PPP1R42: variants seen among roughly 807,000 people sequenced by gnomAD.
The protein encoded by PPP1R42 is leucine rich repeat containing 67.
Under a neutral mutation model 31.0 loss-of-function variants are expected in PPP1R42, and 34 were observed. The observed-to-expected ratio is 1.10, with a 90% CI of 0.83 to 1.46. PPP1R42 has a LOEUF of 1.46. PPP1R42 is among the 40% of genes most tolerant of loss of function. The pLI, the probability that PPP1R42 is intolerant of heterozygous loss-of-function variation, is 0.00. For synonymous variants in PPP1R42, 103 were observed against 109.8 expected, an observed-to-expected ratio of 0.94 and a Z score of 0.39; for missense variants, 268 against 303.0, an observed-to-expected ratio of 0.88 and a Z score of 0.86.
At chr8:66,975,085 A>G (rs748012079) in intron 7 of PPP1R42, among the ~76,000 whole-genome samples, 16 of 152,122 alleles carry the variant, frequency 1.1e-4, no homozygotes, top group Admixed American at 9.8e-4. Flanking sequence ...GGTCTTACGG[A>G]TATTTTACAA....
At chr8:67,008,103 G>C (rs756259518) in intron 5 of PPP1R42, among the ~76,000 whole-genome samples, 1 of 151,890 alleles carries the variant, frequency 6.6e-6, no homozygotes, top group African/African-American at 2.4e-5. Flanking sequence ...AGCCAGGTTC[G>C]TCTCGATCTC....
chr8:66,968,807 AAAAC>A (rs1814457405), intron 7 of PPP1R42, among the ~76,000 whole-genome samples: 1 of 152,186 alleles, frequency 6.6e-6, no homozygotes, highest in Non-Finnish European at 1.5e-5. Context: ...TTGATATACT[AAAAC>A]AATATTTTGG....
intron 5 of PPP1R42, among the ~76,000 whole-genome samples, chr8:67,007,796 T>C (rs1483839270): frequency 1.3e-5 from 2 of 152,116 alleles, no homozygotes; most frequent in African/African-American, 4.8e-5. Context: ...ATATCTACTG[T>C]GTCACTATTA....
intron 7 of PPP1R42, among the ~76,000 whole-genome samples, chr8:66,973,366 C>T (rs1814588020): frequency 6.6e-6 from 1 of 151,560 alleles, no homozygotes; most frequent in Non-Finnish European, 1.5e-5. Flanking sequence ...TACAGTGGTG[C>T]CATCTCGGCT....
chr8:67,016,926 A>G (rs1816033574), intron 2 of PPP1R42, among the ~76,000 whole-genome samples: 1 of 152,176 alleles, frequency 6.6e-6, no homozygotes, highest in Non-Finnish European at 1.5e-5. Context: ...ACATTTTGGT[A>G]TATTTCAAAA....
chr8:67,023,235 C>T (rs1350881711), intron 1 of PPP1R42, among the ~76,000 whole-genome samples: 1 of 152,094 alleles, frequency 6.6e-6, no homozygotes, highest in East Asian at 1.9e-4. Flanking sequence ...CTCAGCCTTC[C>T]GAGAAGCTGG....
chr8:66,966,370 A>G (rs943346766), intron 7 of PPP1R42, among the ~76,000 whole-genome samples: 1 of 152,220 alleles, frequency 6.6e-6, no homozygotes, highest in Admixed American at 6.5e-5. Context: ...TTCAAGTCCT[A>G]GCCCTGCTCA....
At chr8:67,019,170 T>A (rs1346702655) in intron 1 of PPP1R42, among the ~76,000 whole-genome samples, 2 of 149,398 alleles carry the variant, frequency 1.3e-5, no homozygotes, top group African/African-American at 2.5e-5. Context: ...TGGGCTCAAG[T>A]GCTCCTCCTG....
At chr8:66,966,580 TC>T (rs199673321) in intron 7 of PPP1R42, among the ~76,000 whole-genome samples, 3,600 of 151,930 alleles carry the variant, frequency 0.024, 56 homozygotes, top group Admixed American at 0.045. Context: ...GATCAGGAGA[TC>T]AAGACCATCC....
chr8:66,971,347 TTAAAA>T lies in PPP1R42; in HGVS notation c.803-7018_803-7014del, dbSNP rs1288927915. Among the ~76,000 whole-genome samples, 6 of 152,330 alleles carry T rather than the reference TTAAAA, an allele frequency of 3.9e-5. No homozygotes were observed. The East Asian group carries it at 9.6e-4, about 24-fold the overall frequency. On this transcript the variant is annotated intron_variant, in intron 7 of 7. Coordinates refer to ENST00000685739, the MANE Select transcript of PPP1R42 (RefSeq NM_001364910.1). Reference sequence around the variant, plus strand: ...ATACAGGAAAGTTCATGATCAACTCTTAAAATAAAATGAGCATGCCAACATTAATA... The same window carrying T: ...ATACAGGAAAGTTCATGATCAACTCTTAAAATGAGCATGCCAACATTAATA...
chr8:66,966,987 T>A (rs1431023412), intron 7 of PPP1R42, among the ~76,000 whole-genome samples: 3 of 152,188 alleles, frequency 2.0e-5, no homozygotes, highest in Non-Finnish European at 4.4e-5. Context: ...AAAAAGTTTT[T>A]GATTTTTGAG....
At position 67,001,697 on chromosome 8, in the gene PPP1R42, TACA is replaced by T. The variant is rs531562523; in HGVS notation, c.552+9015_552+9017del. 7.9e-3 allele frequency among the ~76,000 whole-genome samples: 1,196 copies of T among 152,354 alleles called. 7 individuals carry two copies. The highest frequency in any genetic ancestry group is 0.014 in the Middle Eastern group (4 of 294). On this transcript the variant is annotated intron_variant, in intron 5 of 7. Coordinates refer to ENST00000685739, the MANE Select transcript of PPP1R42 (RefSeq NM_001364910.1). ...TACTTCACGTATAATGTAAGAACTT[TACA>T]ACAATATACCACTATTTTCTCCATT... is the stretch of plus-strand genomic sequence containing the variant.
chr8:66,996,529 C>T (rs1015635621), intron 5 of PPP1R42, among the ~76,000 whole-genome samples: 2 of 152,190 alleles, frequency 1.3e-5, no homozygotes, highest in Admixed American at 6.5e-5. Context: ...TCTAGCCTAC[C>T]GTACAGCTGC....
chr8:66,992,486 T>G (rs774070183), intron 5 of PPP1R42, among the ~76,000 whole-genome samples: 4 of 152,172 alleles, frequency 2.6e-5, no homozygotes, highest in Non-Finnish European at 5.9e-5. Context: ...AGAACATCTA[T>G]GCAGTGACAG....
At chr8:66,967,078 G>A (rs2130908254) in intron 7 of PPP1R42, among the ~76,000 whole-genome samples, 1 of 152,278 alleles carries the variant, frequency 6.6e-6, no homozygotes, top group Admixed American at 6.5e-5. Context: ...CTGGGCTCAA[G>A]CAATCCTCTC....
rs560306189 is a variant in PPP1R42 at position 67,024,680 on chromosome 8, T to C, written c.-85+3811A>G. Among the ~76,000 whole-genome samples, 4 of 151,904 alleles carry C rather than the reference T, an allele frequency of 2.6e-5. No individual in the cohort carries two copies. In the East Asian group the frequency reaches 7.8e-4, roughly 30 times the overall value. ...TTTTAGTAGAGACGGGGTTTCACCGTGTTAGCCAGGATGGCCTCCATCTCC... is the reference window on the plus strand; with the variant it reads ...TTTTAGTAGAGACGGGGTTTCACCGCGTTAGCCAGGATGGCCTCCATCTCC... On this transcript the variant is annotated intron_variant, in intron 1 of 7. Coordinates refer to ENST00000685739, the MANE Select transcript of PPP1R42 (RefSeq NM_001364910.1).
intron 7 of PPP1R42, among the ~76,000 whole-genome samples, chr8:66,980,962 C>T (rs1814813074): frequency 6.6e-6 from 1 of 152,034 alleles, no homozygotes; most frequent in South Asian, 2.1e-4. Context: ...CCTGCCTCAG[C>T]CTCCCGAGTA....
intron 3 of PPP1R42, 28 bp from the exon 4 acceptor site, chr8:67,013,124 AG>A (rs2129536937): frequency 6.5e-7 from 1 of 1,539,704 alleles, no homozygotes. Context: ...AATTCTAAAC[AG>A]ACATTCTGAG....
At chr8:67,022,599 A>T in intron 1 of PPP1R42, among the ~76,000 whole-genome samples, 1 of 151,666 alleles carries the variant, frequency 6.6e-6, no homozygotes. Context: ...CTCCTTCCCT[A>T]CCTTAATTTC....
Sources: gnomAD v4.1 joint callset for allele counts (sites outside exome capture counted in the v4.1 genomes callset) on GRCh38, gnomAD v4.1.1 for gene constraint, MANE v1.5 for transcripts, NCBI Gene and HGNC (gene_info 2026-07-23, HGNC 2026-07-21) for gene names.